Variants in KAT2B observed in about 807,000 individuals in gnomAD.
KAT2B encodes the protein histone acetyltransferase KAT2B.
KAT2B carries 36 observed loss-of-function variants against 105.9 expected under a neutral mutation model. That is an observed-to-expected ratio of 0.34 (90% CI 0.26 to 0.45). The LOEUF is 0.45. Among genes scored for constraint, KAT2B ranks in the 20% least tolerant of loss-of-function variants. The pLI is 1.00. For missense variants in KAT2B, 820 were observed against 1,021.6 expected, an observed-to-expected ratio of 0.80 and a Z score of 2.69; for synonymous variants, 397 against 377.9, an observed-to-expected ratio of 1.05 and a Z score of -0.59.
chr3:20,051,636 T>G (rs974680314), intron 1 of KAT2B, among the ~76,000 whole-genome samples: 1 of 152,188 alleles, frequency 6.6e-6, no homozygotes, highest in African/African-American at 2.4e-5. Flanking sequence ...CTGTGTTCTC[T>G]AGAACTACTT....
chr3:20,062,281 A>AAATATATGATATATAT lies in KAT2B; in HGVS notation c.304-10046_304-10045insTGATATATATAATATA. On this transcript the variant is annotated intron_variant, in intron 1 of 17. Coordinates refer to ENST00000263754, the MANE Select transcript of KAT2B (RefSeq NM_003884.5). ...TATGATATATAATATATAATATATA[A>AAATATATGATATATAT]AATATAATATATAATATATAAAATA... Among the ~76,000 whole-genome samples the AAATATATGATATATAT allele has an allele frequency of 3.6e-5, 2 of 55,492 alleles. 1 individual carries two copies. The highest frequency in any genetic ancestry group is 7.7e-4 in the South Asian group (2 of 2,608). 36.4% of individuals were successfully genotyped at this position (55,492 alleles called of 152,430 possible). A position where few individuals can be genotyped will look rare whatever the true frequency, so the allele number is the denominator to read the frequency against.
intron 1 of KAT2B, among the ~76,000 whole-genome samples, chr3:20,040,981 G>C (rs1286791932): frequency 1.3e-5 from 2 of 152,168 alleles, no homozygotes; most frequent in African/African-American, 4.8e-5. Flanking sequence ...GTTTGAAGAA[G>C]GGGGATCACT....
intron 2 of KAT2B, among the ~76,000 whole-genome samples, chr3:20,088,668 A>G (rs1698662783): frequency 6.6e-6 from 1 of 152,196 alleles, no homozygotes; most frequent in Non-Finnish European, 1.5e-5. Flanking sequence ...TATGGTGTGA[A>G]AATGTTCTCT....
intron 1 of KAT2B, among the ~76,000 whole-genome samples, chr3:20,070,103 G>A (rs1157970451): frequency 6.6e-6 from 1 of 152,006 alleles, no homozygotes; most frequent in East Asian, 1.9e-4. Flanking sequence ...TACTCACTGG[G>A]GGATGTAGCT....
At chr3:20,152,172 G>A (rs535914643) in intron 17 of KAT2B, among the ~76,000 whole-genome samples, 160 bp from the exon 18 acceptor site, 31 of 152,176 alleles carry the variant, frequency 2.0e-4, no homozygotes, top group Admixed American at 1.0e-3. Flanking sequence ...TAAGATTTAA[G>A]AACTGTTTTC....
Position 20,040,504 on chromosome 3 carries a change from G to A in KAT2B, c.27G>A (p.Pro9=), listed in dbSNP as rs1697691270. 12 of 1,028,018 alleles carry A rather than the reference G, an allele frequency of 1.2e-5. No homozygotes were observed. The South Asian group carries it at 1.3e-4, about 11-fold the overall frequency. 63.7% of individuals were successfully genotyped at this position (1,028,018 alleles called of 1,614,324 possible). Residue 9 remains proline, a synonymous_variant, in exon 1 of 18, where the codon CCG becomes CCA. Transcript: ENST00000263754. ...TGTCCGAGGCTGGCGGGGCCGGGCC[G>A]GGCGGCTGCGGGGCAGGAGCCGGGG... MSEAGGAG[P]GGCGAGAGAG... is the part of the protein sequence containing the mutation.
intron 13 of KAT2B, among the ~76,000 whole-genome samples, chr3:20,143,709 A>G (rs189832952): frequency 1.7e-3 from 263 of 152,382 alleles, no homozygotes; most frequent in Non-Finnish European, 2.7e-3. Flanking sequence ...GCCATAAAAA[A>G]GAACAAAATC....
At chr3:20,101,514 A>G in intron 5 of KAT2B, 46 bp downstream of exon 5, 1 of 1,549,798 alleles carries the variant, frequency 6.5e-7, no homozygotes. Flanking sequence ...AAAGCCTGTT[A>G]CAGACCTAAA....
chr3:20,138,523 T>A (rs200876395), intron 12 of KAT2B, among the ~76,000 whole-genome samples: 1 of 152,200 alleles, frequency 6.6e-6, no homozygotes, highest in East Asian at 1.9e-4. Flanking sequence ...CTAAATATTT[T>A]AAAAATTTCC....
At chr3:20,110,320 T>A (rs189678221) in intron 5 of KAT2B, among the ~76,000 whole-genome samples, 3 of 152,142 alleles carry the variant, frequency 2.0e-5, no homozygotes, top group Admixed American at 2.0e-4. Context: ...CTACCACTGT[T>A]ATATTTATGT....
chr3:20,123,336 C>G (rs1699345109), intron 9 of KAT2B, among the ~76,000 whole-genome samples: 1 of 152,142 alleles, frequency 6.6e-6, no homozygotes, highest in African/African-American at 2.4e-5. Flanking sequence ...ACAATGCAGT[C>G]ATTACTCTTA....
intron 1 of KAT2B, 53 bp downstream of exon 1, chr3:20,040,833 G>A: frequency 2.0e-6 from 3 of 1,515,674 alleles, no homozygotes; most frequent in Non-Finnish European, 2.6e-6. Flanking sequence ...CCCAGCCCGC[G>A]GGACCCCCCT....
At chr3:20,105,371 A>C (rs1270718443) in intron 5 of KAT2B, among the ~76,000 whole-genome samples, 1 of 152,246 alleles carries the variant, frequency 6.6e-6, no homozygotes, top group East Asian at 1.9e-4. Flanking sequence ...CTTAAAATAC[A>C]ACTGTCCAAC....
intron 11 of KAT2B, among the ~76,000 whole-genome samples, chr3:20,136,656 G>C (rs559272245): frequency 6.6e-6 from 1 of 152,124 alleles, no homozygotes; most frequent in East Asian, 1.9e-4. Flanking sequence ...ATTGAGCTAG[G>C]AACTTGTGGC....
intron 5 of KAT2B, among the ~76,000 whole-genome samples, chr3:20,104,551 T>C (rs560359668): frequency 6.6e-6 from 1 of 152,288 alleles, no homozygotes; most frequent in South Asian, 2.1e-4. Context: ...ATGGGTAATA[T>C]TACTGGCTGC....
chr3:20,124,373 C>T (rs912404156), intron 9 of KAT2B, among the ~76,000 whole-genome samples: 1 of 152,124 alleles, frequency 6.6e-6, no homozygotes, highest in Non-Finnish European at 1.5e-5. Flanking sequence ...AACTTATACT[C>T]ATGGTGCAGG....
chr3:20,134,247 T>C (rs1229814554), intron 11 of KAT2B, among the ~76,000 whole-genome samples: 1 of 152,220 alleles, frequency 6.6e-6, no homozygotes, highest in Non-Finnish European at 1.5e-5. Flanking sequence ...TTATTTTACC[T>C]TACATTTAGA....
chr3:20,109,862 T>TCTTCTA (rs1489967565), intron 5 of KAT2B, among the ~76,000 whole-genome samples: 1 of 152,076 alleles, frequency 6.6e-6, no homozygotes, highest in African/African-American at 2.4e-5. Context: ...AGGAAAAAAG[T>TCTTCTA]TGAGAGAAGA....
chr3:20,113,088 A>G (rs988003398), intron 6 of KAT2B, among the ~76,000 whole-genome samples: 1 of 152,206 alleles, frequency 6.6e-6, no homozygotes, highest in Admixed American at 6.5e-5. Context: ...AAGTCATGAC[A>G]TGAACATTTT....
Sources: gnomAD v4.1 joint callset for allele counts (sites outside exome capture counted in the v4.1 genomes callset) on GRCh38, gnomAD v4.1.1 for gene constraint, MANE v1.5 for transcripts, NCBI Gene and HGNC (gene_info 2026-07-23, HGNC 2026-07-21) for gene names.